Variants in NIM1K observed in about 807,000 individuals in gnomAD.
NIM1K encodes the protein serine/threonine-protein kinase NIM1.
A neutral mutation model predicts 37.1 loss-of-function variants in NIM1K; 35 were observed. That is an observed-to-expected ratio of 0.94 (90% CI 0.72 to 1.25). NIM1K has a LOEUF of 1.25. Among genes scored for constraint, NIM1K ranks in the 50% most tolerant of loss-of-function variants. The probability of loss-of-function intolerance (pLI) is 0.00; values close to 1 mark genes in which losing one functional copy is unlikely to be tolerated. For synonymous variants in NIM1K, 234 were observed against 206.6 expected (o/e 1.13, Z -1.14); for missense variants, 564 against 548.0 (o/e 1.03, Z -0.29).
intron 1 of NIM1K, among the ~76,000 whole-genome samples, chr5:43,241,559 T>A (rs571177744): frequency 9.7e-4 from 148 of 152,024 alleles, no homozygotes; most frequent in Non-Finnish European, 1.7e-3. Flanking sequence ...CAGGAGGATA[T>A]CGATCTCTTG....
At chr5:43,247,862 G>T (rs1752807313) in intron 2 of NIM1K, among the ~76,000 whole-genome samples, 1 of 152,178 alleles carries the variant, frequency 6.6e-6, no homozygotes, top group Non-Finnish European at 1.5e-5. Flanking sequence ...CATTTCACTT[G>T]AGAGAATATT....
At position 43,234,717 on chromosome 5, in the gene NIM1K, C is replaced by T. The variant is rs567951542; in HGVS notation, c.-694-10365C>T. Among the ~76,000 whole-genome samples the T allele has an allele frequency of 3.2e-4, 48 of 152,218 alleles. 1 individual carries two copies. Among genetic ancestry groups the T allele is most frequent in the Non-Finnish European group, 5.6e-4 (38 of 68,046 alleles). Reference sequence around the variant, plus strand: ...TGGCGCGATCTTGGCTCACTGCAACCTCCACCTCCTGGGTTCAAACGATTC... The same window carrying T: ...TGGCGCGATCTTGGCTCACTGCAACTTCCACCTCCTGGGTTCAAACGATTC... On this transcript the variant is annotated intron_variant, in intron 1 of 3. Transcript: ENST00000326035.
intron 1 of NIM1K, among the ~76,000 whole-genome samples, chr5:43,219,219 T>C (rs529863640): frequency 1.3e-5 from 2 of 152,254 alleles, no homozygotes; most frequent in African/African-American, 4.8e-5. Context: ...CTTTATAAAT[T>C]TTCAGTTCGA....
intron 1 of NIM1K, chr5:43,207,620 T>TA: frequency 1.6e-6 from 1 of 637,898 alleles, no homozygotes; most frequent in Non-Finnish European, 3.0e-6. Flanking sequence ...GGATGGGAAA[T>TA]ACTTTACACA....
intron 1 of NIM1K, chr5:43,207,435 A>G (rs539928163): frequency 3.7e-4 from 308 of 837,674 alleles, no homozygotes; most frequent in Non-Finnish European, 4.7e-4. Flanking sequence ...GACTGCTATC[A>G]GGTTCTAATA....
chr5:43,232,223 A>G, intron 1 of NIM1K: 1 of 1,024,064 alleles, frequency 9.8e-7, no homozygotes. Context: ...ACGGTAAAAC[A>G]GGCAGCAAGC....
At chr5:43,279,220 C>G (rs886371594) in intron 3 of NIM1K, among the ~76,000 whole-genome samples, 1 of 152,178 alleles carries the variant, frequency 6.6e-6, no homozygotes, top group Non-Finnish European at 1.5e-5. Flanking sequence ...ATATATAGTT[C>G]TCACCACAGC....
intron 2 of NIM1K, among the ~76,000 whole-genome samples, chr5:43,271,082 C>T (rs1206172230): frequency 6.6e-6 from 1 of 150,582 alleles, no homozygotes; most frequent in African/African-American, 2.4e-5. Context: ...TACAAGCTTC[C>T]AGCAGCTTCT....
rs554839220 is a variant in NIM1K at position 43,236,965 on chromosome 5, G to A, written c.-694-8117G>A. On this transcript the variant is annotated intron_variant, in intron 1 of 3. Coordinates refer to ENST00000326035, the MANE Select transcript of NIM1K (RefSeq NM_153361.4). Reference sequence around the variant, plus strand: ...CATGTGTGCTGAGAAATAAAGAGCTGAGCTAAAAGCAAAGATGACGCAAAT... The same window carrying A: ...CATGTGTGCTGAGAAATAAAGAGCTAAGCTAAAAGCAAAGATGACGCAAAT... Among the ~76,000 whole-genome samples the A allele has an allele frequency of 1.9e-3, 286 of 152,324 alleles. 1 individual carries two copies. The highest frequency in any genetic ancestry group is 6.6e-3 in the African/African-American group (275 of 41,580).
At chr5:43,212,389 T>A (rs1010266377) in intron 1 of NIM1K, among the ~76,000 whole-genome samples, 31 of 152,138 alleles carry the variant, frequency 2.0e-4, no homozygotes, top group African/African-American at 7.5e-4. Context: ...TTGAGCTTAG[T>A]CCAGGCTCCA....
intron 1 of NIM1K, among the ~76,000 whole-genome samples, chr5:43,205,879 A>G (rs1361807682): frequency 6.6e-6 from 1 of 151,834 alleles, no homozygotes; most frequent in Non-Finnish European, 1.5e-5. Flanking sequence ...CGCATGGCTG[A>G]TTTTTTGTAT....
intron 1 of NIM1K, among the ~76,000 whole-genome samples, chr5:43,194,613 G>A (rs772998167): frequency 6.6e-6 from 1 of 152,182 alleles, no homozygotes. Flanking sequence ...GGGGCAAGCA[G>A]TGGTACCATT....
At position 43,233,022 on chromosome 5, in the gene NIM1K, G is replaced by A. The variant is rs1409760402; in HGVS notation, c.-694-12060G>A. ...TGCCGGAGCCCGTCTCACTGAAGAAGCTGTTGAAGGAGTCATCTCCTCCCC... is the reference window on the plus strand; with the variant it reads ...TGCCGGAGCCCGTCTCACTGAAGAAACTGTTGAAGGAGTCATCTCCTCCCC... On this transcript the variant is annotated intron_variant, in intron 1 of 3. Coordinates refer to ENST00000326035, the MANE Select transcript of NIM1K (RefSeq NM_153361.4). The A allele has an allele frequency of 2.4e-6, 3 of 1,225,972 alleles. No homozygotes were observed. The Admixed American group carries it at 5.1e-5, about 21-fold the overall frequency. 75.9% of individuals were successfully genotyped at this position (1,225,972 alleles called of 1,614,324 possible).
intron 2 of NIM1K, among the ~76,000 whole-genome samples, chr5:43,270,925 G>C (rs1306972345): frequency 6.6e-6 from 1 of 152,134 alleles, no homozygotes; most frequent in Non-Finnish European, 1.5e-5. Context: ...CAAACACCAA[G>C]TGGTATTGAT....
chr5:43,235,766 G>A (rs369820551), intron 1 of NIM1K, among the ~76,000 whole-genome samples: 2 of 152,032 alleles, frequency 1.3e-5, no homozygotes, highest in Non-Finnish European at 2.9e-5. Flanking sequence ...AGGTACTAAC[G>A]CAAATATCTA....
chr5:43,231,212 G>A (rs779707299), intron 1 of NIM1K, among the ~76,000 whole-genome samples: 2 of 152,194 alleles, frequency 1.3e-5, no homozygotes, highest in Non-Finnish European at 2.9e-5. Context: ...AGCTACTCAG[G>A]AGACTGAGTT....
In NIM1K at chr5:43,245,443, G is replaced by A; in HGVS notation, c.-333G>A. The A allele has an allele frequency of 4.8e-6, 1 of 206,660 alleles. No individual in the cohort carries two copies. Among genetic ancestry groups the A allele is most frequent in the South Asian group, 1.8e-4 (1 of 5,608 alleles). 12.8% of individuals were successfully genotyped at this position (206,660 alleles called of 1,614,324 possible). On this transcript the variant is annotated 5_prime_UTR_variant, in exon 2 of 4. Coordinates refer to ENST00000326035, the MANE Select transcript of NIM1K (RefSeq NM_153361.4). ...CCTACCACAAAGCATCAGACTCCAC[G>A]TCTGGCCAGAAAGTTCCTGGAGTCC...
intron 2 of NIM1K, among the ~76,000 whole-genome samples, chr5:43,266,593 G>T (rs556665279): frequency 6.6e-5 from 10 of 152,172 alleles, no homozygotes; most frequent in Non-Finnish European, 1.5e-4. Context: ...CCCTGCCCTA[G>T]TTCAGCTCAC....
At chr5:43,257,207 G>T (rs988701746) in intron 2 of NIM1K, among the ~76,000 whole-genome samples, 16 of 151,928 alleles carry the variant, frequency 1.1e-4, no homozygotes, top group East Asian at 5.8e-4. Context: ...AAGTGAAAAA[G>T]GTATTTTTAA....
Sources: allele counts gnomAD v4.1 joint callset (sites outside exome capture counted in the v4.1 genomes callset), GRCh38; gene constraint gnomAD v4.1.1; transcripts MANE v1.5; gene names NCBI Gene and HGNC (gene_info 2026-07-23, HGNC 2026-07-21).